The following TMCO4 variants were observed in gnomAD, a reference collection of about 807,000 sequenced individuals.
TMCO4 encodes the protein transmembrane and coiled-coil domain-containing protein 4.
In TMCO4, 58 loss-of-function variants were observed where a neutral mutation model predicts 64.7. That is an observed-to-expected ratio of 0.90 (90% CI 0.73 to 1.12). TMCO4 has a LOEUF of 1.12. Ranked by LOEUF, TMCO4 falls within the 50% of genes most tolerant of loss-of-function variation. The pLI is 0.00. For synonymous variants in TMCO4, 325 were observed against 346.1 expected (o/e 0.94, Z 0.68); for missense variants, 780 against 825.9 (o/e 0.94, Z 0.68).
chr1:19,789,077 A>AC (rs574719771), intron 2 of TMCO4, among the ~76,000 whole-genome samples: 124 of 140,018 alleles, frequency 8.9e-4, no homozygotes, highest in African/African-American at 3.1e-3. Context: ...TCTGTCTCAC[A>AC]AAAAAAAAAA....
intron 13 of TMCO4, among the ~76,000 whole-genome samples, chr1:19,708,606 C>T (rs563451511): frequency 1.3e-5 from 2 of 152,272 alleles, no homozygotes; most frequent in East Asian, 1.9e-4. Context: ...CCTTTGCCAG[C>T]GGGAATCAGG....
intron 13 of TMCO4, among the ~76,000 whole-genome samples, chr1:19,727,538 C>T (rs60484098): frequency 0.14 from 21,088 of 152,176 alleles, 1,554 homozygotes; most frequent in Middle Eastern, 0.2. Flanking sequence ...TTAACAAATA[C>T]GAGCTAGTGG....
rs776513878 is a variant in TMCO4, at chr1:19,740,786, C to T, written c.1033G>A (p.Val345Met). 1.9e-6 allele frequency: 3 copies of T among 1,611,700 alleles called. No individual in the cohort carries two copies. The highest frequency in any genetic ancestry group is 2.5e-6 in the Non-Finnish European group (3 of 1,178,766). ...AGGTGGGGGCACTTACCAGACAACA[C>T]TGTGTACTTTAGGGCCTCCTGGGCC... ...MVAQEALKYTVLSGIVAALTW... is the reference protein window; with the variant it reads ...MVAQEALKYTMLSGIVAALTW... Residue 345 changes from valine to methionine, a missense_variant, in exon 11 of 16, where the codon GTG (valine) becomes ATG (methionine). Val to Met is a conservative substitution (Grantham distance 21). Transcript: ENST00000294543.
intron 13 of TMCO4, among the ~76,000 whole-genome samples, chr1:19,720,164 C>T (rs1371568727): frequency 1.3e-5 from 2 of 151,804 alleles, no homozygotes; most frequent in South Asian, 2.1e-4. Flanking sequence ...TAAATTTTTA[C>T]ATTTTATTTA....
chr1:19,765,570 A>G (rs2042699530), intron 6 of TMCO4, among the ~76,000 whole-genome samples: 1 of 152,106 alleles, frequency 6.6e-6, no homozygotes, highest in East Asian at 1.9e-4. Context: ...CCACAACAGA[A>G]TGATCCAGCC....
intron 13 of TMCO4, among the ~76,000 whole-genome samples, chr1:19,721,587 G>A (rs1013952119): frequency 2.0e-5 from 3 of 152,072 alleles, no homozygotes; most frequent in African/African-American, 7.2e-5. Context: ...TCAGGAGTTC[G>A]AGACCAGTCT....
intron 15 of TMCO4, among the ~76,000 whole-genome samples, chr1:19,690,027 A>C (rs932081721): frequency 6.6e-6 from 1 of 152,220 alleles, no homozygotes; most frequent in Non-Finnish European, 1.5e-5. Context: ...CTGTTTGCCC[A>C]CACTTCCCCT....
Position 19,737,368 on chromosome 1 carries a change from T to C in TMCO4, c.1264+4A>G, listed in dbSNP as rs1334558576. 1 of 1,611,842 alleles carries C rather than the reference T, an allele frequency of 6.2e-7. No individual in the cohort carries two copies. Among genetic ancestry groups the C allele is most frequent in the South Asian group, 1.1e-5 (1 of 90,882 alleles). On this transcript the variant is annotated splice_donor_region_variant and intron_variant, in intron 13 of 15. Transcript: ENST00000294543. The stretch of plus-strand genomic sequence containing the variant: ...TTCCGTCTGTGACAATAATCCATGC[T>C]CACCTTTCTCTTGAGCCATCTCCTG...
At chr1:19,702,860 T>C (rs1179664164) in intron 13 of TMCO4, among the ~76,000 whole-genome samples, 2 of 152,250 alleles carry the variant, frequency 1.3e-5, no homozygotes, top group East Asian at 1.9e-4. Flanking sequence ...TTGCTGCAGA[T>C]TGGAAACCAG....
intron 13 of TMCO4, among the ~76,000 whole-genome samples, chr1:19,709,203 G>A (rs924576077): frequency 1.3e-5 from 2 of 151,964 alleles, no homozygotes; most frequent in Non-Finnish European, 2.9e-5. Context: ...TTAAGGGAAT[G>A]ACTAAACCTT....
At chr1:19,750,629 G>A (rs532534549) in intron 7 of TMCO4, among the ~76,000 whole-genome samples, 12 of 152,252 alleles carry the variant, frequency 7.9e-5, no homozygotes, top group Admixed American at 5.9e-4. Context: ...TCTCCCCGAT[G>A]TGACACTTAC....
chr1:19,739,220 G>A (rs562699910), intron 12 of TMCO4, among the ~76,000 whole-genome samples: 2 of 152,290 alleles, frequency 1.3e-5, no homozygotes, highest in South Asian at 2.1e-4. Flanking sequence ...TATTCTGAAG[G>A]GGATGGTTTT....
chr1:19,787,838 C>T (rs532482046), intron 2 of TMCO4, among the ~76,000 whole-genome samples: 51 of 152,298 alleles, frequency 3.3e-4, no homozygotes, highest in African/African-American at 1.2e-3. Context: ...TCACTGCAAC[C>T]TCCGCCTCCC....
chr1:19,741,983 C>T (rs1217307013), intron 10 of TMCO4, among the ~76,000 whole-genome samples: 1 of 152,028 alleles, frequency 6.6e-6, no homozygotes, highest in African/African-American at 2.4e-5. Context: ...AAGTGATCCA[C>T]CCGCCTCGGC....
At position 19,755,622 on chromosome 1, in the gene TMCO4, G is replaced by A; in HGVS notation, c.515+12C>T. The A allele has an allele frequency of 6.2e-7, 1 of 1,613,646 alleles. No individual in the cohort carries two copies. Among genetic ancestry groups the A allele is most frequent in the Non-Finnish European group, 8.5e-7 (1 of 1,179,804 alleles). ...TCCTTGGATCCTGATGGGGGTCGCGGGGCTCTCTTACTCAGATTCCTCTTC... is the reference window on the plus strand; with the variant it reads ...TCCTTGGATCCTGATGGGGGTCGCGAGGCTCTCTTACTCAGATTCCTCTTC... On this transcript the variant is annotated intron_variant, in intron 7 of 15. Coordinates refer to ENST00000294543, the MANE Select transcript of TMCO4 (RefSeq NM_181719.7).
intron 2 of TMCO4, among the ~76,000 whole-genome samples, chr1:19,791,718 CACCTA>C (rs2044047505): frequency 6.6e-6 from 1 of 152,228 alleles, no homozygotes; most frequent in African/African-American, 2.4e-5. Context: ...GCCCTGGGGT[CACCTA>C]AGACACACAG....
rs1170253766 is a variant in TMCO4 at position 19,694,488 on chromosome 1, T to C, written c.1446A>G (p.Leu482=). The C allele has an allele frequency of 6.2e-7, 1 of 1,613,972 alleles. No individual in the cohort carries two copies. Among genetic ancestry groups the C allele is most frequent in the Non-Finnish European group, 8.5e-7 (1 of 1,179,980 alleles). ...TSSVQLRVAG[L]QPVLLQDRRV... Reference sequence around the variant, plus strand: ...TCCTGTCCTGCAGCAGCACGGGCTGTAGGCCGGCGACACGGAGCTGCACCG... The same window carrying C: ...TCCTGTCCTGCAGCAGCACGGGCTGCAGGCCGGCGACACGGAGCTGCACCG... The change falls in exon 15 of 16, where the codon CTA becomes CTG. Residue 482 remains leucine, a synonymous_variant. Coordinates refer to ENST00000294543, the MANE Select transcript of TMCO4 (RefSeq NM_181719.7).
intron 13 of TMCO4, among the ~76,000 whole-genome samples, 194 bp downstream of exon 13, chr1:19,737,178 A>G (rs906510386): frequency 3.3e-5 from 5 of 152,172 alleles, no homozygotes; most frequent in African/African-American, 4.8e-5. Context: ...ATCTACTCTA[A>G]TGTATGTATA....
chr1:19,748,136 GA>G (rs918084135), intron 7 of TMCO4, among the ~76,000 whole-genome samples: 2 of 152,168 alleles, frequency 1.3e-5, no homozygotes, highest in African/African-American at 4.8e-5. Context: ...TGAATTAAGG[GA>G]TAACAGTCAC....
Sources: gnomAD v4.1 joint callset for allele counts (sites outside exome capture counted in the v4.1 genomes callset) on GRCh38, gnomAD v4.1.1 for gene constraint, MANE v1.5 for transcripts, NCBI Gene and HGNC (gene_info 2026-07-23, HGNC 2026-07-21) for gene names.